The following CNTNAP2 variants were observed in gnomAD, a reference collection of about 807,000 sequenced individuals.
The protein encoded by CNTNAP2 is contactin associated protein 2.
CNTNAP2 carries 98 observed loss-of-function variants against 155.2 expected under a neutral mutation model. That is an observed-to-expected ratio of 0.63 (90% CI 0.54 to 0.75). CNTNAP2 has a LOEUF of 0.75. Ranked by LOEUF, CNTNAP2 falls within the 30% of genes least tolerant of loss-of-function variation. The pLI, the probability that CNTNAP2 is intolerant of heterozygous loss-of-function variation, is 0.00. For synonymous variants in CNTNAP2, 651 were observed against 631.2 expected, an observed-to-expected ratio of 1.03 and a Z score of -0.47; for missense variants, 1,727 against 1,688.1, an observed-to-expected ratio of 1.02 and a Z score of -0.40.
intron 13 of CNTNAP2, among the ~76,000 whole-genome samples, chr7:147,808,204 C>T (rs1328530009): frequency 2.0e-5 from 3 of 152,098 alleles, no homozygotes; most frequent in African/African-American, 7.2e-5. Context: ...TATTCTGTAC[C>T]TCTTTGCAAT....
At chr7:148,194,652 A>G (rs1795247884) in intron 18 of CNTNAP2, among the ~76,000 whole-genome samples, 1 of 152,150 alleles carries the variant, frequency 6.6e-6, no homozygotes, top group South Asian at 2.1e-4. Flanking sequence ...GGGAACAGGG[A>G]GCCAGTGTGT....
intron 1 of CNTNAP2, among the ~76,000 whole-genome samples, chr7:146,458,571 CACATACATAT>C (rs1796590514): frequency 6.6e-6 from 1 of 152,118 alleles, no homozygotes; most frequent in African/African-American, 2.4e-5. Flanking sequence ...ATGTCCTATA[CACATACATAT>C]ACATACATAC....
chr7:146,591,597 GT>G (rs1408303309), intron 1 of CNTNAP2, among the ~76,000 whole-genome samples: 1 of 152,128 alleles, frequency 6.6e-6, no homozygotes, highest in East Asian at 1.9e-4. Context: ...AGTTTATTAG[GT>G]AGAAGAAACC....
At chr7:146,656,727 A>C (rs1800001484) in intron 1 of CNTNAP2, among the ~76,000 whole-genome samples, 2 of 152,208 alleles carry the variant, frequency 1.3e-5, no homozygotes, top group Admixed American at 1.3e-4. Context: ...TCAACTTTGG[A>C]AAAATATTCT....
At chr7:147,580,166 C>T (rs148846684) in intron 12 of CNTNAP2, among the ~76,000 whole-genome samples, 222 of 152,300 alleles carry the variant, frequency 1.5e-3, no homozygotes, top group African/African-American at 4.9e-3. Flanking sequence ...GTCCTTCCAA[C>T]TATAACTCTG....
At chr7:148,283,789 G>GAT (rs1797031775) in intron 21 of CNTNAP2, among the ~76,000 whole-genome samples, 5 of 152,200 alleles carry the variant, frequency 3.3e-5, no homozygotes, top group African/African-American at 1.2e-4. Flanking sequence ...TGTTAGATGA[G>GAT]CTGTCTTTAG....
intron 1 of CNTNAP2, among the ~76,000 whole-genome samples, chr7:146,725,483 A>G (rs778162436): frequency 4.6e-5 from 7 of 152,074 alleles, no homozygotes; most frequent in African/African-American, 1.4e-4. Flanking sequence ...CTTCTCAACC[A>G]CCTTTGTAAA....
intron 9 of CNTNAP2, among the ~76,000 whole-genome samples, chr7:147,320,518 C>T (rs1036587414): frequency 1.3e-5 from 2 of 152,108 alleles, no homozygotes; most frequent in Non-Finnish European, 2.9e-5. Context: ...CAAGTGAGAC[C>T]TTCCCAAAAT....
chr7:146,963,031 CAGTT>C lies in CNTNAP2; in HGVS notation c.403-80872_403-80869del, dbSNP rs1337708360. The C allele has an allele frequency of 6.6e-5, 10 of 152,260 alleles. No individual in the cohort carries two copies. The East Asian group carries it at 1.9e-3, about 29-fold the overall frequency. The allele number at this position is 152,260 out of a possible 1,614,324, so 9.4% of individuals were successfully genotyped here. On this transcript the variant is annotated intron_variant, in intron 3 of 23. Transcript: ENST00000361727. ...ATCTGATGATGACATTCAGGAGAAACAGTTAGTGTGCCTATGCAAGGTGATCCGT... is the reference window on the plus strand; with the variant it reads ...ATCTGATGATGACATTCAGGAGAAACAGTGTGCCTATGCAAGGTGATCCGT...
chr7:147,874,920 G>A (rs1036978663), intron 13 of CNTNAP2, among the ~76,000 whole-genome samples: 1 of 152,178 alleles, frequency 6.6e-6, no homozygotes, highest in Admixed American at 6.5e-5. Context: ...TGCATATCAA[G>A]AGTGACCTTT....
chr7:146,609,113 A>C (rs347198), intron 1 of CNTNAP2, among the ~76,000 whole-genome samples: 100,393 of 151,922 alleles, frequency 0.66, 34,821 homozygotes, highest in African/African-American at 0.85. Flanking sequence ...CTCATTTACT[A>C]TTTCCTACTT....
At chr7:146,308,719 T>C (rs1468983801) in intron 1 of CNTNAP2, among the ~76,000 whole-genome samples, 4 of 152,034 alleles carry the variant, frequency 2.6e-5, no homozygotes, top group Non-Finnish European at 2.9e-5. Flanking sequence ...GAGCAAACTA[T>C]TGCAAGGACA....
intron 13 of CNTNAP2, among the ~76,000 whole-genome samples, chr7:147,670,597 G>A (rs1795770684): frequency 6.6e-6 from 1 of 152,182 alleles, no homozygotes. Context: ...GACTTCAGAG[G>A]GAGAGCTTGA....
chr7:146,210,836 C>T (rs1297370802), intron 1 of CNTNAP2, among the ~76,000 whole-genome samples: 1 of 133,840 alleles, frequency 7.5e-6, no homozygotes, highest in Admixed American at 7.2e-5. Context: ...AAGACTACTT[C>T]ATTTTTTTTT....
intron 12 of CNTNAP2, among the ~76,000 whole-genome samples, chr7:147,568,450 A>C (rs10952695): frequency 1.3e-5 from 2 of 151,978 alleles, no homozygotes; most frequent in Non-Finnish European, 2.9e-5. Context: ...AGAGCATTTC[A>C]AGTGCTGCAC....
intron 13 of CNTNAP2, among the ~76,000 whole-genome samples, chr7:147,760,899 T>G (rs1797288725): frequency 6.6e-6 from 1 of 152,194 alleles, no homozygotes; most frequent in African/African-American, 2.4e-5. Context: ...TCAACTAAAG[T>G]AATTACAAAT....
chr7:146,980,485 G>A (rs1797993670), intron 3 of CNTNAP2, among the ~76,000 whole-genome samples: 1 of 152,160 alleles, frequency 6.6e-6, no homozygotes, highest in Non-Finnish European at 1.5e-5. Context: ...CTGTTTTTGA[G>A]TGGCTATAAC....
At chr7:148,183,176 C>G (rs1795064974) in intron 18 of CNTNAP2, among the ~76,000 whole-genome samples, 1 of 152,112 alleles carries the variant, frequency 6.6e-6, no homozygotes, top group African/African-American at 2.4e-5. Flanking sequence ...GGGATAGAAC[C>G]AACTGCAGCA....
At chr7:146,394,927 T>G (rs1584904626) in intron 1 of CNTNAP2, among the ~76,000 whole-genome samples, 1 of 152,270 alleles carries the variant, frequency 6.6e-6, no homozygotes, top group East Asian at 1.9e-4. Context: ...TGTCTATTTT[T>G]CCACTCTCGA....
Sources: allele counts gnomAD v4.1 joint callset (sites outside exome capture counted in the v4.1 genomes callset), GRCh38; gene constraint gnomAD v4.1.1; transcripts MANE v1.5; gene names NCBI Gene and HGNC (gene_info 2026-07-23, HGNC 2026-07-21).